The following ZNF837 variants were observed in gnomAD, a reference collection of about 807,000 sequenced individuals.
ZNF837 encodes zinc finger protein 837.
For missense variants in ZNF837, 955 were observed against 801.7 expected, an observed-to-expected ratio of 1.19 and a Z score of -2.31; for synonymous variants, 475 against 365.2, an observed-to-expected ratio of 1.30 and a Z score of -3.43.
In ZNF837 at chr19:58,367,859, G is replaced by T; in HGVS notation, c.1474C>A (p.Arg492Ser). The T allele has an allele frequency of 6.5e-7, 1 of 1,535,034 alleles. No homozygotes were observed. The highest frequency in any genetic ancestry group is 8.7e-7 in the Non-Finnish European group (1 of 1,144,250). Reference protein sequence around the residue: ...KAFVRNCSLVRHLRTHTGERP... With the variant: ...KAFVRNCSLVSHLRTHTGERP... Reference sequence around the variant, plus strand: ...TCGCCCGTGTGCGTGCGCAGGTGGCGCACCAGGCTGCAGTTGCGCACGAAG... The same window carrying T: ...TCGCCCGTGTGCGTGCGCAGGTGGCTCACCAGGCTGCAGTTGCGCACGAAG... Residue 492 changes from arginine to serine, a missense_variant, in exon 3 of 3, where the codon CGC (arginine) becomes AGC (serine). By Grantham distance (110) the Arg-to-Ser change is moderately radical. Coordinates refer to ENST00000597582, the MANE Select transcript of ZNF837 (RefSeq NM_138466.2).
At chr19:58,373,369 C>G (rs1370821703) in intron 1 of ZNF837, among the ~76,000 whole-genome samples, 4 of 152,240 alleles carry the variant, frequency 2.6e-5, no homozygotes, top group Non-Finnish European at 5.9e-5. Context: ...AAGTAAGGAA[C>G]TTCTCTGAGT....
Position 58,369,260 on chromosome 19 carries a change from G to A in ZNF837, c.73C>T (p.Arg25Trp), listed in dbSNP as rs374190573. The A allele has an allele frequency of 4.3e-6, 6 of 1,410,540 alleles. No individual in the cohort carries two copies. The highest frequency in any genetic ancestry group is 5.5e-6 in the Non-Finnish European group (6 of 1,087,344). The allele number at this position is 1,410,540 out of a possible 1,614,324, so 87.4% of individuals were successfully genotyped here. A position where few individuals can be genotyped will look rare whatever the true frequency, so the allele number is the denominator to read the frequency against. Residue 25 changes from arginine to tryptophan, a missense_variant, in exon 3 of 3, where the codon CGG becomes TGG. Coordinates refer to ENST00000597582, the MANE Select transcript of ZNF837 (RefSeq NM_138466.2). The part of the protein sequence containing the change: ...KADAQGASGA[R>W]EKRPEEPRPL... ...CTCGGCTCCTCGGGCCTCTTCTCCC[G>A]GGCCCCGGAGGCACCCTGGGCATCG... is the stretch of plus-strand genomic sequence containing the variant.
At position 58,368,249 on chromosome 19, in the gene ZNF837, G is replaced by T. The variant is rs1396592006; in HGVS notation, c.1084C>A (p.Pro362Thr). Residue 362 changes from proline to threonine, a missense_variant, in exon 3 of 3, where the codon CCG becomes ACG. By Grantham distance (38) the Pro-to-Thr change is conservative. Coordinates refer to ENST00000597582, the MANE Select transcript of ZNF837 (RefSeq NM_138466.2). ...TTGGCGCAGTCGGCGCACTCGTACGGCTTCTCCCCGGCTCCCGACCCCCGT... is the reference window on the plus strand; with the variant it reads ...TTGGCGCAGTCGGCGCACTCGTACGTCTTCTCCCCGGCTCCCGACCCCCGT... ...PRRGSGAGEK[P>T]YECADCAKAF... 3 of 1,495,978 alleles carry T rather than the reference G, an allele frequency of 2.0e-6. No individual in the cohort carries two copies. The African/African-American group carries it at 4.2e-5, about 21-fold the overall frequency. 92.7% of individuals were successfully genotyped at this position (1,495,978 alleles called of 1,614,324 possible).
intron 1 of ZNF837, 83 bp downstream of exon 1, chr19:58,380,858 G>C (rs933138090): frequency 6.6e-6 from 1 of 152,334 alleles, no homozygotes; most frequent in Non-Finnish European, 1.5e-5. Context: ...GTGGAGAGGG[G>C]ACTGGGGTGG....
intron 1 of ZNF837, among the ~76,000 whole-genome samples, chr19:58,371,646 C>T (rs1391798015): frequency 2.6e-5 from 4 of 152,208 alleles, no homozygotes; most frequent in African/African-American, 7.2e-5. Flanking sequence ...TCACTCGGCA[C>T]AGGAGCTCAG....
At chr19:58,380,662 C>T (rs2052282464) in intron 1 of ZNF837, among the ~76,000 whole-genome samples, 1 of 152,232 alleles carries the variant, frequency 6.6e-6, no homozygotes, top group South Asian at 2.1e-4. Context: ...AGGATGGGTC[C>T]CGGGCCTGGA....
In ZNF837 at chr19:58,368,403, G is replaced by A. The variant is rs1268330687; in HGVS notation, c.930C>T (p.Arg310=). The change falls in exon 3 of 3, where the codon CGC becomes CGT. Residue 310 remains arginine, a synonymous_variant. Transcript: ENST00000597582. ...TCTGGTGGCGGTACAGGCCGGAGCAGCGCACGAAGGCCTTGCCGCACTCGG... is the reference window on the plus strand; with the variant it reads ...TCTGGTGGCGGTACAGGCCGGAGCAACGCACGAAGGCCTTGCCGCACTCGG... ...ECAECGKAFV[R]CSGLYRHQKT... 1 of 1,538,112 alleles carries A rather than the reference G, an allele frequency of 6.5e-7. No individual in the cohort carries two copies. The highest frequency in any genetic ancestry group is 8.7e-7 in the Non-Finnish European group (1 of 1,145,088).
chr19:58,377,641 AAAAG>A (rs1330855415), intron 1 of ZNF837, among the ~76,000 whole-genome samples: 1 of 152,328 alleles, frequency 6.6e-6, no homozygotes, highest in African/African-American at 2.4e-5. Context: ...ACATCTCAAA[AAAAG>A]AAAGCAAAGA....
rs1281798158 is a variant in ZNF837, at chr19:58,368,607, C to G, written c.726G>C (p.Ala242=). ...CAGGACACACTGGGGGACTCTTGCC[C>G]GCCTGCTGCTGCTGGTTGGGGCGGA... ...KRFRPNQQQQ[A]GKSPPVCPEC... The change falls in exon 3 of 3, where the codon GCG becomes GCC. Residue 242 remains alanine (A), a synonymous_variant. Transcript: ENST00000597582. 1.3e-6 allele frequency: 2 copies of G among 1,533,902 alleles called. No individual in the cohort carries two copies. Among genetic ancestry groups the G allele is most frequent in the Non-Finnish European group, 1.7e-6 (2 of 1,144,578 alleles).
rs1037220313 is a variant in ZNF837 at position 58,368,041 on chromosome 19, C to A, written c.1292G>T (p.Arg431Leu). The change falls in exon 3 of 3, where the codon CGC (arginine) becomes CTC (leucine). Residue 431 changes from arginine to leucine, a missense_variant. Coordinates refer to ENST00000597582, the MANE Select transcript of ZNF837 (RefSeq NM_138466.2). ...CPLCEKAFKG[R>L]SGLVQHQRAH... is the part of the protein sequence containing the mutation. ...GCGCTGGTGTTGCACCAGGCCCGAG[C>A]GGCCCTTGAAGGCCTTTTCGCACAG... 1 of 1,534,874 alleles carries A rather than the reference C, an allele frequency of 6.5e-7. No individual in the cohort carries two copies. Among genetic ancestry groups the A allele is most frequent in the South Asian group, 1.2e-5 (1 of 83,984 alleles).
intron 1 of ZNF837, among the ~76,000 whole-genome samples, chr19:58,371,023 C>T (rs1209216280): frequency 1.3e-5 from 2 of 151,884 alleles, no homozygotes; most frequent in East Asian, 1.9e-4. Context: ...GGGCAGATCA[C>T]GAGGTCAGGA....
intron 1 of ZNF837, among the ~76,000 whole-genome samples, chr19:58,376,575 A>G (rs954647642): frequency 6.6e-5 from 8 of 120,436 alleles, no homozygotes; most frequent in South Asian, 5.1e-4. Context: ...AAAAAAAAAA[A>G]AAAAAAAAAA....
chr19:58,370,574 T>C (rs759323351), intron 1 of ZNF837, among the ~76,000 whole-genome samples: 70 of 152,274 alleles, frequency 4.6e-4, no homozygotes, highest in Non-Finnish European at 5.3e-4. Flanking sequence ...AATATTCATC[T>C]CCTAAGCAAG....
chr19:58,369,954 A>G (rs1432654270), intron 1 of ZNF837, 26 bp from the exon 2 acceptor site: 1 of 152,216 alleles, frequency 6.6e-6, no homozygotes, highest in Non-Finnish European at 1.5e-5. Flanking sequence ...GATAACGGTA[A>G]GTATAACCAG....
intron 1 of ZNF837, among the ~76,000 whole-genome samples, chr19:58,376,411 C>A (rs1206778501): frequency 6.6e-6 from 1 of 150,742 alleles, no homozygotes; most frequent in South Asian, 2.1e-4. Flanking sequence ...AAAAATTAGC[C>A]GGGTGTGGTG....
chr19:58,371,018 G>T (rs2052196688), intron 1 of ZNF837, among the ~76,000 whole-genome samples: 1 of 151,976 alleles, frequency 6.6e-6, no homozygotes, highest in South Asian at 2.1e-4. Flanking sequence ...TAGGTGGGCA[G>T]ATCACGAGGT....
At chr19:58,369,599 C>T in intron 2 of ZNF837, 1 of 353,278 alleles carries the variant, frequency 2.8e-6, no homozygotes, top group East Asian at 4.1e-5. Context: ...CACCGTTCCT[C>T]CCCAACACTA....
At chr19:58,373,904 G>C (rs1298188783) in intron 1 of ZNF837, among the ~76,000 whole-genome samples, 1 of 152,226 alleles carries the variant, frequency 6.6e-6, no homozygotes, top group Non-Finnish European at 1.5e-5. Flanking sequence ...GGCGGGACAA[G>C]ATTTCAAAAA....
At chr19:58,380,315 C>T (rs2052279624) in intron 1 of ZNF837, among the ~76,000 whole-genome samples, 1 of 152,258 alleles carries the variant, frequency 6.6e-6, no homozygotes, top group South Asian at 2.1e-4. Flanking sequence ...GATTAGCAAG[C>T]TTCAACCCTC....
Sources: gnomAD v4.1 joint callset for allele counts (sites outside exome capture counted in the v4.1 genomes callset) on GRCh38, gnomAD v4.1.1 for gene constraint, MANE v1.5 for transcripts, NCBI Gene and HGNC (gene_info 2026-07-23, HGNC 2026-07-21) for gene names.